GPR158: variants seen among roughly 807,000 people sequenced by gnomAD.
The protein encoded by GPR158 is G protein-coupled receptor 158, also known as metabotropic glycine receptor.
In GPR158, 30 loss-of-function variants were observed where a neutral mutation model predicts 78.2. That is an observed-to-expected ratio of 0.38 (90% CI 0.29 to 0.52). The LOEUF is 0.52. GPR158 is among the 20% of genes least tolerant of loss of function. The pLI is 0.83. For synonymous variants in GPR158, 581 were observed against 591.1 expected (o/e 0.98, Z 0.25); for missense variants, 1,463 against 1,523.5 (o/e 0.96, Z 0.66).
At chr10:25,560,926 C>A (rs1178511798) in intron 6 of GPR158, among the ~76,000 whole-genome samples, 1 of 152,022 alleles carries the variant, frequency 6.6e-6, no homozygotes, top group Non-Finnish European at 1.5e-5. Flanking sequence ...AAAGCTTTCC[C>A]TTGTGATATC....
At chr10:25,268,951 C>G (rs546585186) in intron 2 of GPR158, among the ~76,000 whole-genome samples, 29 of 152,298 alleles carry the variant, frequency 1.9e-4, no homozygotes, top group Non-Finnish European at 4.0e-4. Context: ...GAGTAAAACA[C>G]CTCTTTTGTC....
At chr10:25,440,751 GT>G in intron 4 of GPR158, among the ~76,000 whole-genome samples, 1 of 152,204 alleles carries the variant, frequency 6.6e-6, no homozygotes, top group Non-Finnish European at 1.5e-5. Flanking sequence ...TAACTTTCCA[GT>G]TTATTTTATT....
chr10:25,341,849 AAAAC>A (rs1402304357), intron 2 of GPR158, among the ~76,000 whole-genome samples: 16 of 151,730 alleles, frequency 1.1e-4, no homozygotes, highest in Non-Finnish European at 1.6e-4. Context: ...AACAAAAACA[AAAAC>A]AAAAAAAAAC....
At chr10:25,358,333 T>A (rs1358381873) in intron 2 of GPR158, among the ~76,000 whole-genome samples, 1 of 151,994 alleles carries the variant, frequency 6.6e-6, no homozygotes, top group African/African-American at 2.4e-5. Flanking sequence ...GGTTTTGAAA[T>A]GTGAATATAT....
intron 4 of GPR158, among the ~76,000 whole-genome samples, chr10:25,458,769 C>T (rs1037074942): frequency 1.3e-5 from 2 of 152,196 alleles, no homozygotes; most frequent in Admixed American, 6.5e-5. Context: ...GTGATCAAAT[C>T]TATGTGGTTT....
chr10:25,343,040 A>G (rs1478241983), intron 2 of GPR158, among the ~76,000 whole-genome samples: 2 of 152,010 alleles, frequency 1.3e-5, no homozygotes, highest in Non-Finnish European at 2.9e-5. Context: ...TGATTTGAGT[A>G]AACAGAGACT....
intron 3 of GPR158, among the ~76,000 whole-genome samples, chr10:25,410,238 A>G (rs574643555): frequency 6.6e-6 from 1 of 152,272 alleles, no homozygotes; most frequent in East Asian, 1.9e-4. Flanking sequence ...GAATATCTTT[A>G]AGGCACCATG....
At chr10:25,186,521 T>TA (rs1346159027) in intron 1 of GPR158, among the ~76,000 whole-genome samples, 1 of 151,730 alleles carries the variant, frequency 6.6e-6, no homozygotes, top group African/African-American at 2.4e-5. Flanking sequence ...ATAGACACAA[T>TA]AAAAAATGAT....
intron 2 of GPR158, among the ~76,000 whole-genome samples, chr10:25,373,191 C>A (rs1460317614): frequency 6.6e-6 from 1 of 151,800 alleles, no homozygotes; most frequent in African/African-American, 2.4e-5. Context: ...CAAAATAACA[C>A]AGGAACAAAA....
At chr10:25,247,875 C>T (rs1380166419) in intron 2 of GPR158, among the ~76,000 whole-genome samples, 1 of 146,920 alleles carries the variant, frequency 6.8e-6, no homozygotes, top group African/African-American at 2.5e-5. Context: ...GTTCTAGATC[C>T]CTGAGGAATC....
chr10:25,511,749 G>A (rs1393715406), intron 5 of GPR158, among the ~76,000 whole-genome samples: 1 of 151,968 alleles, frequency 6.6e-6, no homozygotes. Context: ...TTTTCTACAC[G>A]TGGCTTGCCA....
chr10:25,318,209 A>T (rs1026707503), intron 2 of GPR158, among the ~76,000 whole-genome samples: 1 of 151,944 alleles, frequency 6.6e-6, no homozygotes, highest in Non-Finnish European at 1.5e-5. Context: ...CCAGTTTTTT[A>T]AAAAATTATG....
intron 9 of GPR158, 136 bp from the exon 10 acceptor site, chr10:25,596,507 C>T (rs762070155): frequency 3.2e-5 from 19 of 591,774 alleles, no homozygotes; most frequent in Non-Finnish European, 5.0e-5. Flanking sequence ...ATCTATCTAT[C>T]TATATATATA....
intron 4 of GPR158, among the ~76,000 whole-genome samples, chr10:25,444,626 G>C (rs1325085602): frequency 6.6e-6 from 1 of 151,356 alleles, no homozygotes; most frequent in Admixed American, 6.6e-5. Flanking sequence ...TGTGGTATAT[G>C]TGAAGATGTG....
At chr10:25,543,032 A>T (rs900469804) in intron 5 of GPR158, among the ~76,000 whole-genome samples, 6 of 152,162 alleles carry the variant, frequency 3.9e-5, no homozygotes, top group Admixed American at 2.6e-4. Context: ...GAAATCTTTG[A>T]AATGGGAGAA....
intron 2 of GPR158, among the ~76,000 whole-genome samples, chr10:25,297,457 C>G (rs1390533084): frequency 6.6e-6 from 1 of 152,158 alleles, no homozygotes; most frequent in Non-Finnish European, 1.5e-5. Flanking sequence ...GTTGCTTTAA[C>G]TGTTTGGACC....
At chr10:25,532,400 A>G (rs1836436553) in intron 5 of GPR158, among the ~76,000 whole-genome samples, 1 of 152,008 alleles carries the variant, frequency 6.6e-6, no homozygotes, top group Non-Finnish European at 1.5e-5. Flanking sequence ...TTAATTCTAT[A>G]TTGTGTCTCA....
intron 2 of GPR158, among the ~76,000 whole-genome samples, chr10:25,328,361 G>C (rs1255971955): frequency 6.6e-6 from 1 of 152,050 alleles, no homozygotes; most frequent in Non-Finnish European, 1.5e-5. Context: ...TTTCATACTT[G>C]TAGGAAATTG....
At chr10:25,408,451 GA>G (rs958133740) in intron 3 of GPR158, among the ~76,000 whole-genome samples, 10 of 152,118 alleles carry the variant, frequency 6.6e-5, no homozygotes, top group African/African-American at 2.4e-4. Flanking sequence ...CCAGAAGGGG[GA>G]AATCCTAACC....
Sources: allele counts gnomAD v4.1 joint callset (sites outside exome capture counted in the v4.1 genomes callset), GRCh38; gene constraint gnomAD v4.1.1; transcripts MANE v1.5; gene names NCBI Gene and HGNC (gene_info 2026-07-23, HGNC 2026-07-21).